HERC2: variants seen among roughly 807,000 people sequenced by gnomAD.
HERC2 encodes E3 ubiquitin-protein ligase HERC2.
Under a neutral mutation model 537.7 loss-of-function variants are expected in HERC2, and 102 were observed. That is an observed-to-expected ratio of 0.19 (90% CI 0.16 to 0.22). The LOEUF (loss-of-function observed/expected upper bound fraction) is 0.22. Among genes scored for constraint, HERC2 ranks in the 10% least tolerant of loss-of-function variants. HERC2 has a pLI of 1.00. For synonymous variants in HERC2, 2,224 were observed against 2,466.2 expected (o/e 0.90, Z 2.91); for missense variants, 4,236 against 6,198.2 (o/e 0.68, Z 10.63).
rs370336881 is a variant in HERC2, at chr15:28,177,031, G to A, written c.9351C>T (p.Ser3117=). Residue 3117 remains serine (S), a synonymous_variant, in exon 61 of 93, where the codon AGC becomes AGT. Transcript: ENST00000261609. This position sits in a 1 kb window ranked among gnomAD's most constrained non-coding sequence, Gnocchi z 5.0. ...GSSHSAALTS[S]GELYTWGLGE... ...CGAGGCCCCAGGTGTACAGTTCTCC[G>A]CTGGATGTGAGGGCTGCGCTGTGCG... The A allele has an allele frequency of 1.4e-5, 22 of 1,614,012 alleles. No homozygotes were observed. Among genetic ancestry groups the A allele is most frequent in the African/African-American group, 1.1e-4 (8 of 74,920 alleles).
intron 19 of HERC2, among the ~76,000 whole-genome samples, chr15:28,255,242 G>T (rs2075219315): frequency 6.6e-6 from 1 of 152,112 alleles, no homozygotes; most frequent in African/African-American, 2.4e-5. Context: ...GGCTGAGGTG[G>T]CAGGATCATT....
Position 28,213,837 on chromosome 15 carries a change from C to G in HERC2, c.6691G>C (p.Gly2231Arg). 1 of 1,614,012 alleles carries G rather than the reference C, an allele frequency of 6.2e-7. No homozygotes were observed. Among genetic ancestry groups the G allele is most frequent in the Non-Finnish European group, 8.5e-7 (1 of 1,179,900 alleles). ...TTTGGGGTGATGCGAGTCACAGTGC[C>G]TTCTCCAAACTCATCGTGCATAACT... ...GQVMHDEFGE[G>R]TVTRITPKGK... The change falls in exon 42 of 93, where the codon GGC (glycine) becomes CGC (arginine). Residue 2231 changes from glycine to arginine, a missense_variant. Transcript: ENST00000261609.
At chr15:28,310,962 A>G (rs969211760) in intron 2 of HERC2, among the ~76,000 whole-genome samples, 1 of 150,806 alleles carries the variant, frequency 6.6e-6, no homozygotes. Context: ...CTATAGTCCC[A>G]GCTACTCGGG....
intron 35 of HERC2, among the ~76,000 whole-genome samples, chr15:28,223,517 C>T (rs1900751096): frequency 6.6e-6 from 1 of 152,038 alleles, no homozygotes; most frequent in Admixed American, 6.5e-5. Context: ...TACTTTAGGG[C>T]CCCCAGGAAG....
rs79819039 is a variant in HERC2, at chr15:28,272,400, G to T, written c.912-14C>A. The T allele has an allele frequency of 4.5e-4, 721 of 1,605,178 alleles. 14 individuals are homozygous for T. The South Asian group carries it at 7.4e-3, about 17-fold the overall frequency. ...GACAACATTTGGCTAAAGGAGAAAAGATATTTATTCTAGTAAAAACAGATT... is the reference window on the plus strand; with the variant it reads ...GACAACATTTGGCTAAAGGAGAAAATATATTTATTCTAGTAAAAACAGATT... On this transcript the variant is annotated splice_polypyrimidine_tract_variant and intron_variant, in intron 8 of 92. Coordinates refer to ENST00000261609, the MANE Select transcript of HERC2 (RefSeq NM_004667.6).
chr15:28,279,919 G>C, intron 5 of HERC2, 149 bp downstream of exon 5: 1 of 655,860 alleles, frequency 1.5e-6, no homozygotes, highest in Non-Finnish European at 2.6e-6. Flanking sequence ...CCATTCTCCA[G>C]ATTATACAAA....
At chr15:28,190,241 G>C (rs1050415558) in intron 55 of HERC2, 1 of 143,832 alleles carries the variant, frequency 7.0e-6, no homozygotes, top group Non-Finnish European at 1.5e-5. Context: ...GGATGGTCTC[G>C]ATCTCCTGAG....
At position 28,160,109 on chromosome 15, in the gene HERC2, G is replaced by T. The variant is rs560441001; in HGVS notation, c.10746+2985C>A. ...TCCTCTGGAAGTTTTGTCTCAGAGGGGTACCCGGCCGTGTGAGGTGTCAGT... is the reference window on the plus strand; with the variant it reads ...TCCTCTGGAAGTTTTGTCTCAGAGGTGTACCCGGCCGTGTGAGGTGTCAGT... On this transcript the variant is annotated intron_variant, in intron 69 of 92. Transcript: ENST00000261609. Among the ~76,000 whole-genome samples, 4 of 152,286 alleles carry T rather than the reference G, an allele frequency of 2.6e-5. No homozygotes were observed. In the South Asian group the frequency reaches 8.3e-4, roughly 32 times the overall value.
intron 85 of HERC2, among the ~76,000 whole-genome samples, chr15:28,121,693 G>A (rs537130608): frequency 7.2e-4 from 109 of 152,268 alleles, no homozygotes; most frequent in African/African-American, 2.5e-3. Flanking sequence ...GCAGCGTTCC[G>A]GAGGCTGGAA....
chr15:28,315,391 C>G (rs1488019519), intron 2 of HERC2, among the ~76,000 whole-genome samples: 1 of 152,260 alleles, frequency 6.6e-6, no homozygotes, highest in African/African-American at 2.4e-5. Flanking sequence ...GGCTCACAGG[C>G]ATGAGTCAAC....
chr15:28,214,128 T>C lies in HERC2; in HGVS notation c.6503A>G (p.Asn2168Ser), dbSNP rs1336351086. 3 of 1,613,820 alleles carry C rather than the reference T, an allele frequency of 1.9e-6. No individual in the cohort carries two copies. The highest frequency in any genetic ancestry group is 2.2e-5 in the South Asian group (2 of 91,054). Residue 2168 changes from asparagine to serine, a missense_variant, in exon 41 of 93, where the codon AAC (asparagine) becomes AGC (serine). Coordinates refer to ENST00000261609, the MANE Select transcript of HERC2 (RefSeq NM_004667.6). ...QWNGLINKYI[N>S]SQLRSITHSF... ...GTGGGTGATGGAGCGGAGCTGGGAG[T>C]TGATGTACTTGTTGATGAGCCCATT...
intron 50 of HERC2, among the ~76,000 whole-genome samples, chr15:28,197,993 C>T (rs532783995): frequency 5.3e-5 from 8 of 152,276 alleles, no homozygotes; most frequent in Middle Eastern, 3.4e-3. Context: ...CCAATCATGA[C>T]GTTAGCATGG....
Position 28,268,673 on chromosome 15 carries a change from G to C in HERC2, c.1447-57C>G, listed in dbSNP as rs1349378238. On this transcript the variant is annotated intron_variant, in intron 11 of 92. Transcript: ENST00000261609. This position sits in a 1 kb window ranked among gnomAD's most constrained non-coding sequence, Gnocchi z 4.7. ...CATCAGTCCAAGGAAAATGAAACCAGCTCAGCTCTCCGTTATCATGTATCC... is the reference window on the plus strand; with the variant it reads ...CATCAGTCCAAGGAAAATGAAACCACCTCAGCTCTCCGTTATCATGTATCC... The C allele has an allele frequency of 1.4e-6, 2 of 1,444,226 alleles. No individual in the cohort carries two copies. The highest frequency in any genetic ancestry group is 1.4e-5 in the African/African-American group (1 of 71,174). 89.5% of individuals were successfully genotyped at this position (1,444,226 alleles called of 1,614,324 possible). A position where few individuals can be genotyped will look rare whatever the true frequency, so the allele number is the denominator to read the frequency against.
At chr15:28,181,251 C>A (rs1895791177) in intron 57 of HERC2, among the ~76,000 whole-genome samples, 2 of 152,200 alleles carry the variant, frequency 1.3e-5, no homozygotes, top group African/African-American at 4.8e-5. Context: ...CGACTCTGTC[C>A]TTGAAGTGAA....
intron 23 of HERC2, among the ~76,000 whole-genome samples, chr15:28,241,266 T>C (rs1903086607): frequency 6.6e-6 from 1 of 151,980 alleles, no homozygotes; most frequent in South Asian, 2.1e-4. Flanking sequence ...AATAAGCACA[T>C]GAAAAGATGC....
At chr15:28,129,783 T>TTC (rs1203613305) in intron 83 of HERC2, among the ~76,000 whole-genome samples, 4 of 150,460 alleles carry the variant, frequency 2.7e-5, no homozygotes, top group Non-Finnish European at 5.9e-5. Context: ...CTGCCTCCTT[T>TTC]TTTTTTTTTT....
At chr15:28,280,349 G>T in intron 4 of HERC2, 62 bp from the exon 5 acceptor site, 1 of 1,371,322 alleles carries the variant, frequency 7.3e-7, no homozygotes, top group Non-Finnish European at 1.0e-6. Context: ...TTGTTGCAAT[G>T]TTGAGAAAAT....
intron 44 of HERC2, among the ~76,000 whole-genome samples, chr15:28,207,207 C>A (rs545308690): frequency 4.0e-5 from 6 of 151,870 alleles, no homozygotes; most frequent in Admixed American, 3.9e-4. Flanking sequence ...ACAATCTTGG[C>A]AAACTGCAAC....
chr15:28,287,591 T>C (rs2076191027), intron 4 of HERC2, among the ~76,000 whole-genome samples: 1 of 152,160 alleles, frequency 6.6e-6, no homozygotes, highest in African/African-American at 2.4e-5. Context: ...TTATCAAACA[T>C]TTGTGCCAGG....
Sources: allele counts gnomAD v4.1 joint callset (sites outside exome capture counted in the v4.1 genomes callset), GRCh38; gene constraint gnomAD v4.1.1; non-coding constraint Gnocchi (gnomAD v3.1); transcripts MANE v1.5; gene names NCBI Gene and HGNC (gene_info 2026-07-23, HGNC 2026-07-21).